The following POM121 variants were observed in gnomAD, a reference collection of about 807,000 sequenced individuals.
POM121 encodes POM121 transmembrane nucleoporin, also known as nuclear envelope pore membrane protein POM 121.
A neutral mutation model predicts 81.3 loss-of-function variants in POM121; 32 were observed. The ratio of observed to expected loss-of-function variants is 0.39; its 90% CI spans 0.30 to 0.53. POM121 has a LOEUF of 0.53. POM121 is among the 20% of genes least tolerant of loss of function. The pLI, the probability that POM121 is intolerant of heterozygous loss-of-function variation, is 0.66. For missense variants in POM121, 1,138 were observed against 1,614.6 expected (o/e 0.70, Z 5.06); for synonymous variants, 514 against 694.2 (o/e 0.74, Z 4.08).
chr7:72,906,752 A>G (rs1793276383), intron 3 of POM121, among the ~76,000 whole-genome samples: 1 of 151,434 alleles, frequency 6.6e-6, no homozygotes, highest in Non-Finnish European at 1.5e-5. Context: ...CCTCCCGAGT[A>G]GCTGGGACTA....
intron 3 of POM121, among the ~76,000 whole-genome samples, chr7:72,903,807 A>T (rs1386565568): frequency 1.3e-5 from 2 of 152,216 alleles, no homozygotes; most frequent in Admixed American, 1.3e-4. Flanking sequence ...TTTAAGATAG[A>T]GTCTTGCCCT....
chr7:72,913,569 A>G (rs1794009786), intron 3 of POM121, among the ~76,000 whole-genome samples: 1 of 152,060 alleles, frequency 6.6e-6, no homozygotes, highest in Non-Finnish European at 1.5e-5. Context: ...CGCTGACTGG[A>G]GGCTGCTCCT....
intron 4 of POM121, among the ~76,000 whole-genome samples, chr7:72,915,886 T>A (rs1352319691): frequency 1.3e-5 from 2 of 152,226 alleles, no homozygotes; most frequent in African/African-American, 4.8e-5. Context: ...GTATTTTTAG[T>A]CTTGAACTCC....
chr7:72,943,560 A>C (rs1287121213), intron 11 of POM121, 38 bp downstream of exon 11: 1 of 1,592,270 alleles, frequency 6.3e-7, no homozygotes, highest in African/African-American at 1.3e-5. Context: ...CGGGCCGGAC[A>C]CTGAAAAGCT....
chr7:72,893,475 T>C (rs1287628217), intron 3 of POM121, among the ~76,000 whole-genome samples: 1 of 151,956 alleles, frequency 6.6e-6, no homozygotes, highest in African/African-American at 2.4e-5. Context: ...TCCCAGCTAC[T>C]TGGGAGGCTG....
chr7:72,888,382 G>A (rs1229072599), intron 1 of POM121, among the ~76,000 whole-genome samples: 2 of 152,066 alleles, frequency 1.3e-5, no homozygotes, highest in African/African-American at 4.8e-5. Flanking sequence ...CGTTGTTTTT[G>A]GATTTTTAGT....
intron 1 of POM121, 121 bp from the exon 2 acceptor site, chr7:72,926,141 T>G: frequency 9.4e-7 from 1 of 1,059,960 alleles, no homozygotes; most frequent in Non-Finnish European, 1.4e-6. Context: ...CCGTGTTCTG[T>G]GTTGCTTAGA....
At chr7:72,896,088 AATTGGGG>A (rs1371024613) in intron 3 of POM121, among the ~76,000 whole-genome samples, 1 of 151,806 alleles carries the variant, frequency 6.6e-6, no homozygotes, top group African/African-American at 2.4e-5. Flanking sequence ...GAAGAAGCTG[AATTGGGG>A]ATTTCTGGTT....
rs1586147264 is a variant in POM121, at chr7:72,925,478, C to T, written c.357C>T (p.Leu119=). 8 of 1,533,790 alleles carry T rather than the reference C, an allele frequency of 5.2e-6. No individual in the cohort carries two copies. Among genetic ancestry groups the T allele is most frequent in the Middle Eastern group, 2.3e-4 (1 of 4,410 alleles). The stretch of plus-strand genomic sequence containing the variant: ...CCAAGTCGACAGCCAACGGAAACCT[C>T]CTAGAGCCGCGGACCCTGCTCGAAG... The part of the protein sequence containing the change: ...PLAKSTANGN[L]LEPRTLLEGP... The change falls in exon 1 of 13, where the codon CTC becomes CTT. Residue 119 remains leucine, a synonymous_variant. Transcript: ENST00000434423.
chr7:72,879,521 G>C, exon 1 of POM121: 1 of 258,250 alleles, frequency 3.9e-6, no homozygotes, highest in Non-Finnish European at 7.6e-6. Context: ...CGCGGGCCGG[G>C]TAGAGGCTCG....
At chr7:72,897,976 G>A (rs1480174801) in intron 3 of POM121, among the ~76,000 whole-genome samples, 3 of 152,134 alleles carry the variant, frequency 2.0e-5, no homozygotes, top group African/African-American at 4.8e-5. Context: ...CTGTGATCAC[G>A]CCACTGCACT....
At chr7:72,915,774 G>T (rs1794239575) in intron 4 of POM121, among the ~76,000 whole-genome samples, 1 of 152,218 alleles carries the variant, frequency 6.6e-6, no homozygotes, top group South Asian at 2.1e-4. Flanking sequence ...CTGGGTTCAA[G>T]AGATTCTCCT....
At chr7:72,935,375 A>G (rs1183046084) in intron 5 of POM121, among the ~76,000 whole-genome samples, 3 of 152,234 alleles carry the variant, frequency 2.0e-5, no homozygotes, top group South Asian at 2.1e-4. Context: ...CAGTCTCACT[A>G]TGTTGCCTAG....
Position 72,925,467 on chromosome 7 carries a change from A to G in POM121, c.346A>G (p.Asn116Asp), listed in dbSNP as rs1474733889. ...TTCGCCTCTGGCCAAGTCGACAGCC[A>G]ACGGAAACCTCCTAGAGCCGCGGAC... ...FASPLAKSTANGNLLEPRTLL... is the reference protein window; with the variant it reads ...FASPLAKSTADGNLLEPRTLL... The change falls in exon 1 of 13, where the codon AAC becomes GAC. Residue 116 changes from asparagine (N) to aspartate (D), a missense_variant. Asn to Asp is a conservative substitution (Grantham distance 23). Coordinates refer to ENST00000434423, the MANE Select transcript of POM121 (RefSeq NM_001387691.1). 13 of 1,533,630 alleles carry G rather than the reference A, an allele frequency of 8.5e-6. No individual in the cohort carries two copies. The highest frequency in any genetic ancestry group is 6.9e-5 in the African/African-American group (5 of 72,922).
At chr7:72,937,500 T>C (rs1365655175) in intron 5 of POM121, among the ~76,000 whole-genome samples, 26 of 152,008 alleles carry the variant, frequency 1.7e-4, no homozygotes, top group Non-Finnish European at 3.2e-4. Flanking sequence ...CTCAAGCTCC[T>C]CCTGGGCCCG....
At chr7:72,917,765 TAAAAG>T (rs1445501812) in intron 4 of POM121, among the ~76,000 whole-genome samples, 10 of 152,264 alleles carry the variant, frequency 6.6e-5, no homozygotes, top group Admixed American at 2.0e-4. Flanking sequence ...GACAAAGAGA[TAAAAG>T]AAAAGACAGC....
intron 1 of POM121, among the ~76,000 whole-genome samples, chr7:72,884,236 T>A (rs1326371287): frequency 6.6e-6 from 1 of 152,226 alleles, no homozygotes; most frequent in Non-Finnish European, 1.5e-5. Flanking sequence ...TATTCTCTAT[T>A]TGTTTATGTA....
chr7:72,914,504 T>TG (rs1794108997), intron 4 of POM121, among the ~76,000 whole-genome samples: 1 of 151,958 alleles, frequency 6.6e-6, no homozygotes, highest in Non-Finnish European at 1.5e-5. Flanking sequence ...TTTTTTTTTT[T>TG]TTTTAACTTT....
chr7:72,929,123 C>T (rs532186650), intron 4 of POM121, among the ~76,000 whole-genome samples: 1 of 152,164 alleles, frequency 6.6e-6, no homozygotes, highest in South Asian at 2.1e-4. Flanking sequence ...TTGCAACAGC[C>T]CAAAGGGGTG....
Sources: allele counts gnomAD v4.1 joint callset (sites outside exome capture counted in the v4.1 genomes callset), GRCh38; gene constraint gnomAD v4.1.1; transcripts MANE v1.5; gene names NCBI Gene and HGNC (gene_info 2026-07-23, HGNC 2026-07-21).